The following POU5F2 variants were observed in gnomAD, a reference collection of about 807,000 sequenced individuals.
POU5F2 encodes the protein POU domain class 5, transcription factor 2.
For missense variants in POU5F2, 401 were observed against 426.6 expected (o/e 0.94, Z 0.53); for synonymous variants, 191 against 178.7 (o/e 1.07, Z -0.55).
chr5:93,737,091 T>C lies in POU5F2; in HGVS notation c.*3486A>G, dbSNP rs1014003102. ...AAAACTGGTTAGAACTAAATCTGCA[T>C]AAGTCGCAGGATACAAAATCAACAC... On this transcript the variant is annotated 3_prime_UTR_variant, in exon 1 of 1. Coordinates refer to ENST00000606183, the MANE Select transcript of POU5F2 (RefSeq NM_153216.2). 1.3e-5 allele frequency: 2 copies of C among 152,198 alleles called. No homozygotes were observed. The highest frequency in any genetic ancestry group is 2.9e-5 in the Non-Finnish European group (2 of 68,026). 9.4% of individuals were successfully genotyped at this position (152,198 alleles called of 1,614,324 possible).
Position 93,740,425 on chromosome 5 carries a change from C to T in POU5F2, c.*152G>A, listed in dbSNP as rs1303619318. ...TCCCAGGTTTTTCTTGAACAATTCC[C>T]ACCCCCATTCCCTACTATGTATCCT... On this transcript the variant is annotated 3_prime_UTR_variant, in exon 1 of 1. Transcript: ENST00000606183. 1 of 783,126 alleles carries T rather than the reference C, an allele frequency of 1.3e-6. No homozygotes were observed. 48.5% of individuals were successfully genotyped at this position (783,126 alleles called of 1,614,324 possible).
chr5:93,734,526 A>G lies in POU5F2; in HGVS notation c.*6051T>C, dbSNP rs188288132. 1.4e-4 allele frequency: 21 copies of G among 152,314 alleles called. No homozygotes were observed. The East Asian group carries it at 3.9e-3, about 28-fold the overall frequency. The allele number at this position is 152,314 out of a possible 1,614,324, so 9.4% of individuals were successfully genotyped here. A position where few individuals can be genotyped will look rare whatever the true frequency, so the allele number is the denominator to read the frequency against. ...AAAAACATTATTCTGCTTATACTCT[A>G]AAGGGGCTCAGCATCTTCAGATTAA... On this transcript the variant is annotated 3_prime_UTR_variant, in exon 1 of 1. Coordinates refer to ENST00000606183, the MANE Select transcript of POU5F2 (RefSeq NM_153216.2).
rs1189671212 is a variant in POU5F2, at chr5:93,734,635, T to C, written c.*5942A>G. On this transcript the variant is annotated 3_prime_UTR_variant, in exon 1 of 1. Coordinates refer to ENST00000606183, the MANE Select transcript of POU5F2 (RefSeq NM_153216.2). ...TTTTCAGAATGACAGTGAAGATCTA[T>C]TGGAGTCGGGAGTTGAAATTTATTT... 4 of 152,126 alleles carry C rather than the reference T, an allele frequency of 2.6e-5. No homozygotes were observed. The highest frequency in any genetic ancestry group is 5.9e-5 in the Non-Finnish European group (4 of 68,024). 9.4% of individuals were successfully genotyped at this position (152,126 alleles called of 1,614,324 possible). A position where few individuals can be genotyped will look rare whatever the true frequency, so the allele number is the denominator to read the frequency against.
At position 93,733,950 on chromosome 5, in the gene POU5F2, A is replaced by AAAGTGGCT. The variant is rs1746674776; in HGVS notation, c.*6619_*6626dup. ...TATTTCTAGAAGAAAGGCATAAACA[A>AAAGTGGCT]AAGTGGCTATTCTGAAAAACAAATC... On this transcript the variant is annotated 3_prime_UTR_variant, in exon 1 of 1. Transcript: ENST00000606183. 2.6e-5 allele frequency: 4 copies of AAAGTGGCT among 152,352 alleles called. No homozygotes were observed. Among genetic ancestry groups the AAAGTGGCT allele is most frequent in the African/African-American group, 9.6e-5 (4 of 41,580 alleles). 9.4% of individuals were successfully genotyped at this position (152,352 alleles called of 1,614,324 possible).
rs1227439037 is a variant in POU5F2, at chr5:93,734,973, T to C, written c.*5604A>G. On this transcript the variant is annotated 3_prime_UTR_variant, in exon 1 of 1. Coordinates refer to ENST00000606183, the MANE Select transcript of POU5F2 (RefSeq NM_153216.2). ...GGTTTCACCATGTTGGCCAGGCTGG[T>C]CTCGAACTCCTGACCTCAAGTGATC... 6.6e-6 allele frequency: 1 copy of C among 152,136 alleles called. No homozygotes were observed. The highest frequency in any genetic ancestry group is 1.5e-5 in the Non-Finnish European group (1 of 68,068). 9.4% of individuals were successfully genotyped at this position (152,136 alleles called of 1,614,324 possible). A position where few individuals can be genotyped will look rare whatever the true frequency, so the allele number is the denominator to read the frequency against.
Position 93,740,944 on chromosome 5 carries a change from T to A in POU5F2, c.620A>T (p.Gln207Leu), listed in dbSNP as rs752263779. 9.3e-6 allele frequency: 15 copies of A among 1,613,872 alleles called. No homozygotes were observed. The highest frequency in any genetic ancestry group is 1.7e-5 in the Admixed American group (1 of 60,006). ...TGCCCGTCTCCACTTCCCAGACTGT[T>A]GCAGGATCATCTCCATTTTGCATAA... is the stretch of plus-strand genomic sequence containing the variant. ...LGLCKMEMIL[Q>L]QSGKWRRASR... Residue 207 changes from glutamine to leucine, a missense_variant, in exon 1 of 1, where the codon CAA becomes CTA. Gln to Leu is a moderately radical substitution (Grantham distance 113, BLOSUM62 -2). Coordinates refer to ENST00000606183, the MANE Select transcript of POU5F2 (RefSeq NM_153216.2).
Position 93,740,554 on chromosome 5 carries a change from C to A in POU5F2, c.*23G>T, listed in dbSNP as rs765323901. 3 of 1,567,854 alleles carry A rather than the reference C, an allele frequency of 1.9e-6. No homozygotes were observed. The African/African-American group carries it at 4.1e-5, about 21-fold the overall frequency. Reference sequence around the variant, plus strand: ...CTTCTTCTCCCCTCTCCAACCGTGCCGTGAAGGGCAAGCCCCTCAGCCCTA... The same window carrying A: ...CTTCTTCTCCCCTCTCCAACCGTGCAGTGAAGGGCAAGCCCCTCAGCCCTA... On this transcript the variant is annotated 3_prime_UTR_variant, in exon 1 of 1. Transcript: ENST00000606183.
In POU5F2 at chr5:93,741,150, C is replaced by T. The variant is rs1748352109; in HGVS notation, c.414G>A (p.Leu138=). 6 of 1,613,910 alleles carry T rather than the reference C, an allele frequency of 3.7e-6. No individual in the cohort carries two copies. Among genetic ancestry groups the T allele is most frequent in the African/African-American group, 2.7e-5 (2 of 75,052 alleles). Reference sequence around the variant, plus strand: ...CATCGGCCTGCGAGTACCCTAGGCTCAACCTCTTCTGCCTCAACTCCTTGG... The same window carrying T: ...CATCGGCCTGCGAGTACCCTAGGCTTAACCTCTTCTGCCTCAACTCCTTGG... ...QLAKELRQKR[L]SLGYSQADVG... is the part of the protein sequence containing the mutation. Residue 138 remains leucine, a synonymous_variant, in exon 1 of 1, where the codon TTG becomes TTA. Transcript: ENST00000606183.
Position 93,737,624 on chromosome 5 carries a change from T to A in POU5F2, c.*2953A>T. 2.2e-5 allele frequency: 4 copies of A among 179,112 alleles called. No homozygotes were observed. In the South Asian group the frequency reaches 4.3e-4, roughly 19 times the overall value. 11.1% of individuals were successfully genotyped at this position (179,112 alleles called of 1,614,324 possible). A position where few individuals can be genotyped will look rare whatever the true frequency, so the allele number is the denominator to read the frequency against. ...TACAGTAGTCAAAACAGTGTGGTAC[T>A]GGCATAAAGACAGACATATAGACCA... On this transcript the variant is annotated 3_prime_UTR_variant, in exon 1 of 1. Coordinates refer to ENST00000606183, the MANE Select transcript of POU5F2 (RefSeq NM_153216.2).
chr5:93,738,957 C>T lies in POU5F2; in HGVS notation c.*1620G>A, dbSNP rs1747801121. On this transcript the variant is annotated 3_prime_UTR_variant, in exon 1 of 1. Coordinates refer to ENST00000606183, the MANE Select transcript of POU5F2 (RefSeq NM_153216.2). ...CAAATTTTATATTTTATCACACACA[C>T]AAAAATAGGCAAAGGTAAAGTTTCT... 1 of 152,018 alleles carries T rather than the reference C, an allele frequency of 6.6e-6. No individual in the cohort carries two copies. Among genetic ancestry groups the T allele is most frequent in the Non-Finnish European group, 1.5e-5 (1 of 67,988 alleles). The allele number at this position is 152,018 out of a possible 1,614,324, so 9.4% of individuals were successfully genotyped here. A position where few individuals can be genotyped will look rare whatever the true frequency, so the allele number is the denominator to read the frequency against.
Position 93,735,702 on chromosome 5 carries a change from T to C in POU5F2, c.*4875A>G, listed in dbSNP as rs1358029414. 2.0e-5 allele frequency: 3 copies of C among 152,252 alleles called. No homozygotes were observed. Among genetic ancestry groups the C allele is most frequent in the Non-Finnish European group, 4.4e-5 (3 of 68,048 alleles). The allele number at this position is 152,252 out of a possible 1,614,324, so 9.4% of individuals were successfully genotyped here. ...CAAGTGATTAGTCACCTATAGAATC[T>C]AAAGCTAAGCAATTAGGATTTGGCT... On this transcript the variant is annotated 3_prime_UTR_variant, in exon 1 of 1. Coordinates refer to ENST00000606183, the MANE Select transcript of POU5F2 (RefSeq NM_153216.2).
rs1394754144 is a variant in POU5F2, at chr5:93,736,559, A to C, written c.*4018T>G. On this transcript the variant is annotated 3_prime_UTR_variant, in exon 1 of 1. Transcript: ENST00000606183. ...AGATGTCATGAGAATGAGATCCCTC[A>C]AAACAGAAAAATAACCACCCTTAGA... The C allele has an allele frequency of 6.6e-6, 1 of 152,202 alleles. No individual in the cohort carries two copies. Among genetic ancestry groups the C allele is most frequent in the Admixed American group, 6.5e-5 (1 of 15,282 alleles). The allele number at this position is 152,202 out of a possible 1,614,324, so 9.4% of individuals were successfully genotyped here.
In POU5F2 at chr5:93,741,372, G is replaced by C. The variant is rs767493941; in HGVS notation, c.192C>G (p.Pro64=). The C allele has an allele frequency of 6.8e-6, 11 of 1,611,912 alleles. No homozygotes were observed. Among genetic ancestry groups the C allele is most frequent in the Non-Finnish European group, 8.5e-6 (10 of 1,178,922 alleles). Residue 64 remains proline, a synonymous_variant, in exon 1 of 1, where the codon CCC becomes CCG. Transcript: ENST00000606183. ...ICPGPDVWRI[P]LGPLPHEFRG... is the part of the protein sequence containing the mutation. Reference sequence around the variant, plus strand: ...GGAATTCGTGTGGCAGGGGACCCAGGGGAATCCTCCACACGTCAGGGCCTG... The same window carrying C: ...GGAATTCGTGTGGCAGGGGACCCAGCGGAATCCTCCACACGTCAGGGCCTG...
chr5:93,740,911 T>A lies in POU5F2; in HGVS notation c.653A>T (p.Glu218Val). The change falls in exon 1 of 1, where the codon GAG (glutamate) becomes GTG (valine). Residue 218 changes from glutamate (E) to valine (V), a missense_variant. Glu to Val is a moderately radical substitution (Grantham distance 121, BLOSUM62 -2). Coordinates refer to ENST00000606183, the MANE Select transcript of POU5F2 (RefSeq NM_153216.2). ...QSGKWRRASR[E>V]RRIGNSLEKF... ...CTCCAGGCTGTTTCCGATTCGTCGC[T>A]CTCTGCTTGCCCGTCTCCACTTCCC... The A allele has an allele frequency of 1.2e-6, 2 of 1,613,974 alleles. No homozygotes were observed. Among genetic ancestry groups the A allele is most frequent in the Non-Finnish European group, 1.7e-6 (2 of 1,179,868 alleles).
rs2149592456 is a variant in POU5F2, at chr5:93,737,974, CTT to C, written c.*2601_*2602del. The C allele has an allele frequency of 2.3e-6, 1 of 429,952 alleles. No individual in the cohort carries two copies. The highest frequency in any genetic ancestry group is 4.6e-6 in the Non-Finnish European group (1 of 219,206). The allele number at this position is 429,952 out of a possible 1,614,324, so 26.6% of individuals were successfully genotyped here. A position where few individuals can be genotyped will look rare whatever the true frequency, so the allele number is the denominator to read the frequency against. The stretch of plus-strand genomic sequence containing the variant: ...CAAAAGAAAAAATGGATAAGCTGGA[CTT>C]AATAAAAATTAAAGTCTGTCTGCAT... On this transcript the variant is annotated 3_prime_UTR_variant, in exon 1 of 1. Coordinates refer to ENST00000606183, the MANE Select transcript of POU5F2 (RefSeq NM_153216.2).
rs1373989830 is a variant in POU5F2 at position 93,740,087 on chromosome 5, T to C, written c.*490A>G. On this transcript the variant is annotated 3_prime_UTR_variant, in exon 1 of 1. Coordinates refer to ENST00000606183, the MANE Select transcript of POU5F2 (RefSeq NM_153216.2). The stretch of plus-strand genomic sequence containing the variant: ...CTCTGTGTGTTTCTTCCCTATCACA[T>C]TCTCAAGTCATTCCCTCAAGATAAC... 2 of 152,256 alleles carry C rather than the reference T, an allele frequency of 1.3e-5. No homozygotes were observed. Among genetic ancestry groups the C allele is most frequent in the African/African-American group, 4.8e-5 (2 of 41,412 alleles). 9.4% of individuals were successfully genotyped at this position (152,256 alleles called of 1,614,324 possible).
Position 93,740,168 on chromosome 5 carries a change from A to G in POU5F2, c.*409T>C, listed in dbSNP as rs1748087198. 1 of 157,320 alleles carries G rather than the reference A, an allele frequency of 6.4e-6. No individual in the cohort carries two copies. The highest frequency in any genetic ancestry group is 2.4e-5 in the African/African-American group (1 of 41,510). The allele number at this position is 157,320 out of a possible 1,614,324, so 9.7% of individuals were successfully genotyped here. The stretch of plus-strand genomic sequence containing the variant: ...ACAGAGTTCTGCTTGATTTTAAGTA[A>G]AAAATTGTATACTAAGGTAGTCTTC... On this transcript the variant is annotated 3_prime_UTR_variant, in exon 1 of 1. Coordinates refer to ENST00000606183, the MANE Select transcript of POU5F2 (RefSeq NM_153216.2).
chr5:93,741,455 T>C lies in POU5F2; in HGVS notation c.109A>G (p.Thr37Ala), dbSNP rs1278742090. ...ATCACCCTGCCAGGGGCCGCCTGGG[T>C]GCTCAACCAGGTCAGAGTGTCAACC... is the stretch of plus-strand genomic sequence containing the variant. ...LRVDTLTWLS[T>A]QAAPGRVMVW... Residue 37 changes from threonine (T) to alanine (A), a missense_variant, in exon 1 of 1, where the codon ACC becomes GCC. Thr to Ala is a moderately conservative substitution (Grantham distance 58). Coordinates refer to ENST00000606183, the MANE Select transcript of POU5F2 (RefSeq NM_153216.2). The C allele has an allele frequency of 1.7e-5, 27 of 1,613,322 alleles. No homozygotes were observed. Among genetic ancestry groups the C allele is most frequent in the Non-Finnish European group, 1.9e-5 (22 of 1,179,782 alleles).
rs754087969 is a variant in POU5F2, at chr5:93,741,390, A to G, written c.174T>C (p.Pro58=). The G allele has an allele frequency of 6.2e-7, 1 of 1,613,054 alleles. No individual in the cohort carries two copies. Among genetic ancestry groups the G allele is most frequent in the Non-Finnish European group, 8.5e-7 (1 of 1,179,620 alleles). The change falls in exon 1 of 1, where the codon CCT becomes CCC. Residue 58 remains proline, a synonymous_variant. Transcript: ENST00000606183. ...PAVRPGICPG[P]DVWRIPLGPL... is the part of the protein sequence containing the mutation. The stretch of plus-strand genomic sequence containing the variant: ...GACCCAGGGGAATCCTCCACACGTC[A>G]GGGCCTGGGCAGATCCCTGGCCTGA...
Sources: gnomAD v4.1 joint callset for allele counts on GRCh38, gnomAD v4.1.1 for gene constraint, MANE v1.5 for transcripts, NCBI Gene and HGNC (gene_info 2026-07-23, HGNC 2026-07-21) for gene names.